NDST4: variants seen among roughly 807,000 people sequenced by gnomAD.
NDST4 encodes N-heparan sulfate sulfotransferase 4.
A neutral mutation model predicts 100.8 loss-of-function variants in NDST4; 63 were observed. The ratio of observed to expected loss-of-function variants is 0.62; its 90% CI spans 0.51 to 0.77. NDST4 has a LOEUF of 0.77. NDST4 is among the 30% of genes least tolerant of loss of function. The pLI, the probability that NDST4 is intolerant of heterozygous loss-of-function variation, is 0.00. For missense variants in NDST4, 943 were observed against 1,018.4 expected (o/e 0.93, Z 1.01); for synonymous variants, 377 against 361.8 (o/e 1.04, Z -0.48).
chr4:115,075,879 G>A (rs934823606), intron 2 of NDST4, among the ~76,000 whole-genome samples, 180 bp downstream of exon 2: 2 of 151,424 alleles, frequency 1.3e-5, no homozygotes, highest in Admixed American at 1.3e-4. Context: ...AGCTTCTGGT[G>A]TGTGTATGTG....
chr4:114,842,156 A>G (rs1723439517), intron 10 of NDST4, among the ~76,000 whole-genome samples: 1 of 152,190 alleles, frequency 6.6e-6, no homozygotes, highest in East Asian at 1.9e-4. Flanking sequence ...GTATTAGGCC[A>G]TCATTGCTGT....
intron 4 of NDST4, among the ~76,000 whole-genome samples, chr4:114,952,543 T>C (rs1246003934): frequency 6.6e-6 from 1 of 152,064 alleles, no homozygotes; most frequent in Non-Finnish European, 1.5e-5. Flanking sequence ...AGAAAAGCCA[T>C]TTTTCTCTAA....
At chr4:115,040,585 T>C (rs559424163) in intron 2 of NDST4, among the ~76,000 whole-genome samples, 183 of 152,022 alleles carry the variant, frequency 1.2e-3, no homozygotes, top group African/African-American at 4.3e-3. Context: ...AGTCCAAGTA[T>C]GATGCCAAAG....
chr4:115,021,823 T>C (rs866229531), intron 2 of NDST4, among the ~76,000 whole-genome samples: 10 of 151,150 alleles, frequency 6.6e-5, no homozygotes, highest in Non-Finnish European at 1.0e-4. Context: ...ATATATACCT[T>C]CCACATCTAT....
intron 6 of NDST4, among the ~76,000 whole-genome samples, chr4:114,873,306 T>G (rs2126197798): frequency 1.3e-5 from 2 of 151,844 alleles, no homozygotes; most frequent in South Asian, 2.1e-4. Flanking sequence ...CCCCTTAAAT[T>G]TAAGTTAAAC....
At chr4:115,013,237 T>A (rs1040367599) in intron 2 of NDST4, among the ~76,000 whole-genome samples, 1 of 150,292 alleles carries the variant, frequency 6.7e-6, no homozygotes. Context: ...CACAAAGAAA[T>A]GATTTACAAA....
chr4:115,066,598 T>C (rs925860468), intron 2 of NDST4, among the ~76,000 whole-genome samples: 10 of 152,182 alleles, frequency 6.6e-5, no homozygotes, highest in Middle Eastern at 3.2e-3. Flanking sequence ...AACAATTTAA[T>C]TGACACAGTG....
chr4:115,065,655 C>T (rs72898652), intron 2 of NDST4, among the ~76,000 whole-genome samples: 5,727 of 151,984 alleles, frequency 0.038, 280 homozygotes, highest in African/African-American at 0.11. Flanking sequence ...AAAACAACTC[C>T]CTGGTTCAAA....
intron 2 of NDST4, among the ~76,000 whole-genome samples, chr4:114,992,013 G>A (rs755057093): frequency 7.9e-5 from 12 of 151,580 alleles, no homozygotes; most frequent in Non-Finnish European, 1.5e-4. Context: ...TCAATACATT[G>A]TTTATTACAG....
At chr4:115,080,433 A>G (rs1393587204) in intron 1 of NDST4, among the ~76,000 whole-genome samples, 1 of 152,092 alleles carries the variant, frequency 6.6e-6, no homozygotes, top group Non-Finnish European at 1.5e-5. Context: ...GACTACGCCC[A>G]GCCAAATGAA....
intron 2 of NDST4, among the ~76,000 whole-genome samples, chr4:115,041,454 C>T (rs1728350161): frequency 6.6e-6 from 1 of 151,836 alleles, no homozygotes; most frequent in Non-Finnish European, 1.5e-5. Context: ...CAAACTCAAA[C>T]AGGTTTGAAA....
At chr4:114,968,193 A>G (rs1726427354) in intron 4 of NDST4, among the ~76,000 whole-genome samples, 1 of 152,234 alleles carries the variant, frequency 6.6e-6, no homozygotes, top group Non-Finnish European at 1.5e-5. Flanking sequence ...ACAACTGGGC[A>G]TAACTTTGTA....
chr4:114,978,709 T>C (rs1726698414), intron 2 of NDST4, among the ~76,000 whole-genome samples: 1 of 152,062 alleles, frequency 6.6e-6, no homozygotes, highest in Non-Finnish European at 1.5e-5. Flanking sequence ...TCTGGCTTTT[T>C]TTTTGGCTGT....
chr4:114,975,927 G>T (rs768077875), intron 3 of NDST4, among the ~76,000 whole-genome samples: 4 of 152,028 alleles, frequency 2.6e-5, no homozygotes, highest in East Asian at 1.9e-4. Context: ...AAATTGCTTT[G>T]CCTGTGCAGA....
chr4:114,957,239 G>C (rs1022071375), intron 4 of NDST4, among the ~76,000 whole-genome samples: 1 of 152,296 alleles, frequency 6.6e-6, no homozygotes, highest in African/African-American at 2.4e-5. Context: ...AAGAAAAAGA[G>C]TTTTAATAGA....
chr4:115,106,394 A>AAACAGT (rs911678216), intron 1 of NDST4, among the ~76,000 whole-genome samples: 12 of 152,076 alleles, frequency 7.9e-5, no homozygotes, highest in Middle Eastern at 3.2e-3. Context: ...TTTAAAAAAG[A>AAACAGT]AACAGTCATC....
chr4:115,056,178 C>G (rs1728689996), intron 2 of NDST4, among the ~76,000 whole-genome samples: 1 of 151,930 alleles, frequency 6.6e-6, no homozygotes, highest in South Asian at 2.1e-4. Flanking sequence ...ATGGTGAAAC[C>G]TCATCTCTAC....
At position 114,933,544 on chromosome 4, in the gene NDST4, A is replaced by G. The variant is rs537301156; in HGVS notation, c.1536+1662T>C. On this transcript the variant is annotated intron_variant, in intron 6 of 13. Coordinates refer to ENST00000264363, the MANE Select transcript of NDST4 (RefSeq NM_022569.3). ...AAAAAGCTTTTGCACAGCAACGGACATAAATAACAGAGTGAAAAAGACAAC... is the reference window on the plus strand; with the variant it reads ...AAAAAGCTTTTGCACAGCAACGGACGTAAATAACAGAGTGAAAAAGACAAC... Among the ~76,000 whole-genome samples the G allele has an allele frequency of 1.6e-4, 24 of 151,250 alleles. No homozygotes were observed. In the South Asian group the frequency reaches 4.6e-3, roughly 29 times the overall value.
intron 6 of NDST4, among the ~76,000 whole-genome samples, chr4:114,910,598 T>A (rs1220375263): frequency 6.6e-6 from 1 of 152,200 alleles, no homozygotes; most frequent in Non-Finnish European, 1.5e-5. Flanking sequence ...TGCAGATATA[T>A]CATTCAGTCC....
Sources: allele counts gnomAD v4.1 joint callset (sites outside exome capture counted in the v4.1 genomes callset), GRCh38; gene constraint gnomAD v4.1.1; transcripts MANE v1.5; gene names NCBI Gene and HGNC (gene_info 2026-07-23, HGNC 2026-07-21).